SCNN1G: variants seen among roughly 807,000 people sequenced by gnomAD.
SCNN1G encodes epithelial sodium channel subunit gamma.
Under a neutral mutation model 64.6 loss-of-function variants are expected in SCNN1G, and 27 were observed. The observed-to-expected ratio is 0.42, with a 90% CI of 0.31 to 0.58. The LOEUF is 0.58. Among genes scored for constraint, SCNN1G ranks in the 20% least tolerant of loss-of-function variants. SCNN1G has a pLI of 0.18. For missense variants in SCNN1G, 743 were observed against 823.4 expected, an observed-to-expected ratio of 0.90 and a Z score of 1.19; for synonymous variants, 330 against 314.2, an observed-to-expected ratio of 1.05 and a Z score of -0.53.
At chr16:23,209,426 C>G (rs972393309) in intron 6 of SCNN1G, among the ~76,000 whole-genome samples, 11 of 152,164 alleles carry the variant, frequency 7.2e-5, no homozygotes, top group African/African-American at 2.7e-4. Flanking sequence ...CCTCCAGTTT[C>G]CCTACCCCAT....
At chr16:23,209,635 T>G (rs1302118158) in intron 6 of SCNN1G, 115 bp from the exon 7 acceptor site, 3 of 778,560 alleles carry the variant, frequency 3.9e-6, no homozygotes, top group Non-Finnish European at 7.0e-6. Context: ...AATGACCAAA[T>G]AGCTTCTCAG....
At chr16:23,200,101 A>G (rs1375549836) in intron 6 of SCNN1G, among the ~76,000 whole-genome samples, 1 of 152,172 alleles carries the variant, frequency 6.6e-6, no homozygotes, top group Non-Finnish European at 1.5e-5. Context: ...CCTAGCTTTT[A>G]TCCTTCACAA....
chr16:23,202,345 TG>T (rs1441927997), intron 6 of SCNN1G, among the ~76,000 whole-genome samples: 1 of 151,884 alleles, frequency 6.6e-6, no homozygotes, highest in Non-Finnish European at 1.5e-5. Context: ...GGTGGATGGA[TG>T]GCTGGCTGGC....
intron 2 of SCNN1G, among the ~76,000 whole-genome samples, chr16:23,187,803 A>G (rs1441800281): frequency 1.3e-5 from 2 of 152,180 alleles, no homozygotes; most frequent in Non-Finnish European, 2.9e-5. Flanking sequence ...TCTCAGGATT[A>G]TGGAAAACTG....
intron 6 of SCNN1G, among the ~76,000 whole-genome samples, chr16:23,204,334 T>TAGAGAG (rs755322105): frequency 0.021 from 317 of 15,124 alleles, 22 homozygotes; most frequent in East Asian, 0.043. Context: ...TATATATATA[T>TAGAGAG]AGAGAGAGAG....
chr16:23,193,037 C>G (rs1257368274), intron 4 of SCNN1G, among the ~76,000 whole-genome samples: 1 of 116,110 alleles, frequency 8.6e-6, no homozygotes, highest in Non-Finnish European at 1.6e-5. Flanking sequence ...CTACTGCACT[C>G]AAGCCTGGGC....
intron 6 of SCNN1G, among the ~76,000 whole-genome samples, chr16:23,207,501 T>A (rs1960009290): frequency 1.3e-5 from 2 of 152,354 alleles, no homozygotes; most frequent in Admixed American, 1.3e-4. Flanking sequence ...CTAGAGGCCC[T>A]GCATGCATTT....
At position 23,186,406 on chromosome 16, in the gene SCNN1G, G is replaced by A. The variant is rs760650690; in HGVS notation, c.135G>A (p.Val45=). 6.2e-7 allele frequency: 1 copy of A among 1,614,228 alleles called. No homozygotes were observed. Among genetic ancestry groups the A allele is most frequent in the Non-Finnish European group, 8.5e-7 (1 of 1,180,052 alleles). The change falls in exon 2 of 13, where the codon GTG becomes GTA. Residue 45 remains valine (V), a synonymous_variant. Transcript: ENST00000300061. The part of the protein sequence containing the change: ...NTNTHGCRRI[V]VSRGRLRRLL... ...ACACCCATGGCTGTCGCCGCATCGT[G>A]GTGTCCCGCGGCCGTCTGCGCCGCC...
rs72647513 is a variant in SCNN1G, at chr16:23,207,682, A to G, written c.1078-2068A>G. Among the ~76,000 whole-genome samples the G allele has an allele frequency of 7.1e-3, 1,080 of 152,314 alleles. 9 individuals are homozygous for G. The highest frequency in any genetic ancestry group is 0.012 in the South Asian group (60 of 4,826). ...GGCACCCTGGGAAAGAGGGGAGGCCAGACAGCCACTTTCCCCTTTGTTTGC... is the reference window on the plus strand; with the variant it reads ...GGCACCCTGGGAAAGAGGGGAGGCCGGACAGCCACTTTCCCCTTTGTTTGC... On this transcript the variant is annotated intron_variant, in intron 6 of 12. Coordinates refer to ENST00000300061, the MANE Select transcript of SCNN1G (RefSeq NM_001039.4).
intron 3 of SCNN1G, among the ~76,000 whole-genome samples, chr16:23,190,309 A>T (rs1014411041): frequency 3.3e-5 from 5 of 149,664 alleles, no homozygotes. Flanking sequence ...GAAAGGAAAG[A>T]CACCCAGCTG....
intron 6 of SCNN1G, among the ~76,000 whole-genome samples, chr16:23,198,503 G>C (rs1309670375): frequency 6.6e-6 from 1 of 152,156 alleles, no homozygotes; most frequent in East Asian, 1.9e-4. Flanking sequence ...GGCCAAGGTG[G>C]GTGGATCACT....
intron 7 of SCNN1G, among the ~76,000 whole-genome samples, chr16:23,211,685 A>G (rs527980202): frequency 6.6e-6 from 1 of 152,066 alleles, no homozygotes; most frequent in African/African-American, 2.4e-5. Flanking sequence ...GGTGGTGTGC[A>G]TCTGTAATCG....
At chr16:23,204,972 C>T (rs1010724744) in intron 6 of SCNN1G, among the ~76,000 whole-genome samples, 2 of 152,120 alleles carry the variant, frequency 1.3e-5, no homozygotes, top group African/African-American at 2.4e-5. Context: ...ACCACCACAC[C>T]TACCTAAATA....
intron 3 of SCNN1G, 122 bp from the exon 4 acceptor site, chr16:23,192,230 C>A: frequency 1.2e-6 from 1 of 844,606 alleles, no homozygotes; most frequent in East Asian, 2.4e-5. Flanking sequence ...ATCCTTGCCC[C>A]AGATATCCAA....
intron 2 of SCNN1G, among the ~76,000 whole-genome samples, chr16:23,187,505 C>G (rs574709125): frequency 6.6e-6 from 1 of 152,222 alleles, no homozygotes; most frequent in African/African-American, 2.4e-5. Flanking sequence ...CGAACTAACC[C>G]CCTCTGCACA....
chr16:23,194,340 G>C lies in SCNN1G; in HGVS notation c.913+66G>C. On this transcript the variant is annotated intron_variant, in intron 5 of 12. Transcript: ENST00000300061. ...TAGTGGACATGGGGGCAGCAGGACA[G>C]TGGGGATGCGGGAGCCCTCTGGAAA... The C allele has an allele frequency of 3.6e-6, 4 of 1,100,478 alleles. 1 individual carries two copies. The South Asian group carries it at 5.0e-5, about 14-fold the overall frequency. The allele number at this position is 1,100,478 out of a possible 1,614,324, so 68.2% of individuals were successfully genotyped here.
chr16:23,214,868 G>A (rs1012995972), intron 12 of SCNN1G, 81 bp downstream of exon 12: 10 of 1,288,320 alleles, frequency 7.8e-6, no homozygotes, highest in Non-Finnish European at 1.1e-5. Context: ...AGCAGAATCA[G>A]GGTAGGGGGT....
intron 6 of SCNN1G, among the ~76,000 whole-genome samples, chr16:23,208,272 G>A (rs781684623): frequency 9.2e-5 from 14 of 152,206 alleles, no homozygotes; most frequent in Admixed American, 2.6e-4. Flanking sequence ...CATTGAGCCC[G>A]GGAGGTAGAG....
Position 23,192,776 on chromosome 16 carries a change from C to T in SCNN1G, c.809+234C>T, listed in dbSNP as rs118107213. The stretch of plus-strand genomic sequence containing the variant: ...AACTCATTAAACTACTCATTAAAAA[C>T]AAGGTAGTTGGCCAGGCATGGTGGT... On this transcript the variant is annotated intron_variant, in intron 4 of 12. Coordinates refer to ENST00000300061, the MANE Select transcript of SCNN1G (RefSeq NM_001039.4). Among the ~76,000 whole-genome samples, 508 of 152,064 alleles carry T rather than the reference C, an allele frequency of 3.3e-3. 2 individuals are homozygous for T. The highest frequency in any genetic ancestry group is 7.9e-3 in the South Asian group (38 of 4,794).
Sources: allele counts gnomAD v4.1 joint callset (sites outside exome capture counted in the v4.1 genomes callset), GRCh38; gene constraint gnomAD v4.1.1; transcripts MANE v1.5; gene names NCBI Gene and HGNC (gene_info 2026-07-23, HGNC 2026-07-21).